MED16: variants seen among roughly 807,000 people sequenced by gnomAD.
MED16 encodes mediator of RNA polymerase II transcription subunit 16.
A neutral mutation model predicts 84.4 loss-of-function variants in MED16; 81 were observed. That is an observed-to-expected ratio of 0.96 (90% CI 0.80 to 1.15). The LOEUF (loss-of-function observed/expected upper bound fraction) is 1.15, where lower values mean the gene tolerates loss of function less well. Among genes scored for constraint, MED16 ranks in the 50% most tolerant of loss-of-function variants. MED16 has a pLI of 0.00. For missense variants in MED16, 1,585 were observed against 1,245.9 expected (o/e 1.27, Z -4.10); for synonymous variants, 897 against 552.2 (o/e 1.62, Z -8.76).
At chr19:880,259 GT>G (rs1434397595) in intron 7 of MED16, 111 bp from the exon 8 acceptor site, 5 of 984,168 alleles carry the variant, frequency 5.1e-6, no homozygotes, top group Non-Finnish European at 7.0e-6. Context: ...CATCCAGGGG[GT>G]CAGCCCCCGC....
intron 4 of MED16, 25 bp from the exon 5 acceptor site, chr19:886,226 A>G: frequency 6.7e-7 from 1 of 1,487,104 alleles, no homozygotes; most frequent in Non-Finnish European, 8.9e-7. Flanking sequence ...GGGAGGGAGG[A>G]GGGGCCGCTC....
chr19:887,719 C>T (rs113801603), intron 4 of MED16, among the ~76,000 whole-genome samples: 2,574 of 152,090 alleles, frequency 0.017, 25 homozygotes, highest in African/African-American at 0.02. Flanking sequence ...CAGGCCACAG[C>T]GGGGATGCAC....
intron 3 of MED16, 21 bp from the exon 4 acceptor site, chr19:889,828 T>G (rs1380450182): frequency 5.0e-6 from 8 of 1,599,016 alleles, no homozygotes; most frequent in Non-Finnish European, 6.8e-6. Context: ...GAAGCCATCA[T>G]TGCGAACCTT....
Position 876,959 on chromosome 19 carries a change from G to A in MED16, c.1560+15C>T, listed in dbSNP as rs561276369. ...CCCCACCTGCCACGGGGCCCCACCTGCCACGGGCCCCCACCTGCTGCAGGG... is the reference window on the plus strand; with the variant it reads ...CCCCACCTGCCACGGGGCCCCACCTACCACGGGCCCCCACCTGCTGCAGGG... On this transcript the variant is annotated intron_variant, in intron 9 of 15. Coordinates refer to ENST00000325464, the MANE Select transcript of MED16 (RefSeq NM_005481.3). 8 of 1,603,800 alleles carry A rather than the reference G, an allele frequency of 5.0e-6. No homozygotes were observed. The African/African-American group carries it at 8.1e-5, about 16-fold the overall frequency.
chr19:870,281 G>A (rs1011006929), intron 13 of MED16, among the ~76,000 whole-genome samples: 2 of 152,176 alleles, frequency 1.3e-5, no homozygotes, highest in Non-Finnish European at 2.9e-5. Flanking sequence ...CCAAGGCAAG[G>A]CCGGGGCGGT....
Position 885,816 on chromosome 19 carries a change from G to A in MED16, c.833C>T (p.Pro278Leu). The A allele has an allele frequency of 6.2e-7, 1 of 1,613,170 alleles. No individual in the cohort carries two copies. Among genetic ancestry groups the A allele is most frequent in the Non-Finnish European group, 8.5e-7 (1 of 1,179,954 alleles). ...TTDLNRKDKF[P>L]AITHLKFLAR... is the part of the protein sequence containing the mutation. ...CAGGAACTTGAGGTGGGTGATGGCG[G>A]GAAACTTGTCCTTGCGGTTGAGGTC... is the stretch of plus-strand genomic sequence containing the variant. The change falls in exon 5 of 16, where the codon CCC becomes CTC. Residue 278 changes from proline to leucine, a missense_variant. Coordinates refer to ENST00000325464, the MANE Select transcript of MED16 (RefSeq NM_005481.3).
chr19:884,884 C>T lies in MED16; in HGVS notation c.985+19G>A, dbSNP rs759896910. 6.3e-7 allele frequency: 1 copy of T among 1,588,528 alleles called. No individual in the cohort carries two copies. On this transcript the variant is annotated intron_variant, in intron 6 of 15. Transcript: ENST00000325464. ...CCCGAGGGCAGGCCCAGGGCCTCCGCAGCCGGCGGGAGACTCACCCACGGG... is the reference window on the plus strand; with the variant it reads ...CCCGAGGGCAGGCCCAGGGCCTCCGTAGCCGGCGGGAGACTCACCCACGGG...
intron 2 of MED16, 57 bp from the exon 3 acceptor site, chr19:890,301 G>A (rs759056716): frequency 1.6e-5 from 20 of 1,237,098 alleles, no homozygotes; most frequent in Non-Finnish European, 2.1e-5. Context: ...AGACGATGAC[G>A]ATGACTCCAG....
chr19:885,037 C>G (rs1277830479), intron 5 of MED16, 29 bp from the exon 6 acceptor site: 3 of 1,539,738 alleles, frequency 1.9e-6, no homozygotes, highest in Non-Finnish European at 1.8e-6. Context: ...TGAGGGCTGA[C>G]CCGGCACTGC....
chr19:879,566 C>A (rs1371413346), intron 8 of MED16, among the ~76,000 whole-genome samples: 2 of 140,438 alleles, frequency 1.4e-5, no homozygotes, highest in African/African-American at 5.5e-5. Flanking sequence ...CTCGCCTTCC[C>A]CTGGTTGTCA....
At chr19:888,417 A>C (rs1235929080) in intron 4 of MED16, among the ~76,000 whole-genome samples, 1 of 151,156 alleles carries the variant, frequency 6.6e-6, no homozygotes, top group Non-Finnish European at 1.5e-5. Flanking sequence ...CCAGCTACTC[A>C]GGAAGCTGAG....
chr19:889,958 G>T, intron 3 of MED16, 151 bp from the exon 4 acceptor site: 1 of 953,654 alleles, frequency 1.0e-6, no homozygotes, highest in Non-Finnish European at 1.5e-6. Flanking sequence ...CTCCAGAGAT[G>T]CCCTGAGACA....
In MED16 at chr19:868,207, G is replaced by T. The variant is rs759381959; in HGVS notation, c.2528C>A (p.Ala843Asp). Residue 843 changes from alanine to aspartate, a missense_variant, in exon 16 of 16, where the codon GCT (alanine) becomes GAT (aspartate). Physicochemically the swap from Ala to Asp is moderately radical, Grantham distance 126. Transcript: ENST00000325464. ...GACAAAGGCAGGGGCTTCCTCAGAAGCTCTGCTGGTCACGCAGGCGTCCGG... is the reference window on the plus strand; with the variant it reads ...GACAAAGGCAGGGGCTTCCTCAGAATCTCTGCTGGTCACGCAGGCGTCCGG... ...RGPDACVTSR[A>D]SEEAPAFVQL... The T allele has an allele frequency of 1.2e-6, 2 of 1,604,130 alleles. No individual in the cohort carries two copies. The highest frequency in any genetic ancestry group is 2.2e-5 in the South Asian group (2 of 90,092).
chr19:876,087 C>A (rs1270763231), intron 9 of MED16, among the ~76,000 whole-genome samples: 1 of 152,324 alleles, frequency 6.6e-6, no homozygotes, highest in East Asian at 1.9e-4. Flanking sequence ...AGCCTCGCAG[C>A]CCCCGCCTGG....
chr19:879,901 C>G (rs1186463462), intron 8 of MED16, 36 bp downstream of exon 8: 1 of 1,500,994 alleles, frequency 6.7e-7, no homozygotes, highest in East Asian at 2.4e-5. Context: ...TTGTCAATGC[C>G]CACCAGCCCC....
chr19:889,568 G>C (rs922269694), intron 4 of MED16, 70 bp downstream of exon 4: 2 of 1,530,520 alleles, frequency 1.3e-6, no homozygotes, highest in Middle Eastern at 1.8e-4. Context: ...GGAGAGGAGA[G>C]GGGCTGGCGG....
intron 12 of MED16, chr19:871,613 T>G (rs753920641): frequency 1.3e-6 from 2 of 1,595,430 alleles, no homozygotes; most frequent in South Asian, 2.2e-5. Context: ...TGCCTGGAAG[T>G]GGCTGCCATC....
Position 884,206 on chromosome 19 carries a change from C to T in MED16, c.985+697G>A, listed in dbSNP as rs2036478394. Among the ~76,000 whole-genome samples the T allele has an allele frequency of 2.0e-5, 3 of 152,216 alleles. No homozygotes were observed. In the South Asian group the frequency reaches 6.2e-4, roughly 32 times the overall value. The stretch of plus-strand genomic sequence containing the variant: ...ACATCTCCCTTCTCCAGAGCGGAGG[C>T]CAGCCTAAAAACCAGGCCCGCAGCC... On this transcript the variant is annotated intron_variant, in intron 6 of 15. Coordinates refer to ENST00000325464, the MANE Select transcript of MED16 (RefSeq NM_005481.3).
In MED16 at chr19:881,674, T is replaced by C. The variant is rs368220639; in HGVS notation, c.1026A>G (p.Leu342=). Residue 342 remains leucine, a synonymous_variant, in exon 7 of 16, where the codon CTA becomes CTG. Coordinates refer to ENST00000325464, the MANE Select transcript of MED16 (RefSeq NM_005481.3). ...CACGGTCCAGATCGTTGGTGGCCGA[T>C]AGGATCCGCCATTTGAGAATTGTGG... ...KQPTILKWRI[L]SATNDLDRVS... 18 of 1,612,304 alleles carry C rather than the reference T, an allele frequency of 1.1e-5. No homozygotes were observed. Among genetic ancestry groups the C allele is most frequent in the East Asian group, 4.5e-5 (2 of 44,888 alleles).
Sources: gnomAD v4.1 joint callset for allele counts (sites outside exome capture counted in the v4.1 genomes callset) on GRCh38, gnomAD v4.1.1 for gene constraint, MANE v1.5 for transcripts, NCBI Gene and HGNC (gene_info 2026-07-23, HGNC 2026-07-21) for gene names.